Variants in ADCY9 observed in about 807,000 individuals in gnomAD.
ADCY9 encodes the protein adenylate cyclase type 9.
A neutral mutation model predicts 101.5 loss-of-function variants in ADCY9; 50 were observed. The observed-to-expected ratio is 0.49, with a 90% CI of 0.39 to 0.62. The LOEUF (loss-of-function observed/expected upper bound fraction) is 0.62. ADCY9 is among the 20% of genes least tolerant of loss of function. The probability of loss-of-function intolerance (pLI) is 0.00; values close to 1 mark genes in which losing one functional copy is unlikely to be tolerated. For synonymous variants in ADCY9, 905 were observed against 769.3 expected (o/e 1.18, Z -2.92); for missense variants, 1,662 against 1,800.4 (o/e 0.92, Z 1.39).
intron 2 of ADCY9, among the ~76,000 whole-genome samples, chr16:4,106,957 G>A (rs2057081259): frequency 6.6e-6 from 1 of 152,160 alleles, no homozygotes; most frequent in Non-Finnish European, 1.5e-5. Flanking sequence ...TGAAAAGACA[G>A]CCCTCCCTTC....
In ADCY9 at chr16:3,963,879, T is replaced by C. The variant is rs1479277284; in HGVS notation, c.*1896A>G. The C allele has an allele frequency of 6.5e-6, 1 of 152,700 alleles. No homozygotes were observed. The highest frequency in any genetic ancestry group is 6.5e-5 in the Admixed American group (1 of 15,290). 9.5% of individuals were successfully genotyped at this position (152,700 alleles called of 1,614,324 possible). ...TCTGCGGTGTTTTATAATACATTCT[T>C]TAGAAGCAAGAGGTATTGTCACAAC... On this transcript the variant is annotated 3_prime_UTR_variant, in exon 11 of 11. Transcript: ENST00000294016.
At chr16:4,065,720 C>T (rs1030194236) in intron 2 of ADCY9, among the ~76,000 whole-genome samples, 1 of 152,196 alleles carries the variant, frequency 6.6e-6, no homozygotes, top group Non-Finnish European at 1.5e-5. Context: ...AGGCATGAGC[C>T]ACCACACCTG....
intron 2 of ADCY9, among the ~76,000 whole-genome samples, chr16:4,107,407 C>A (rs548149171): frequency 1.3e-5 from 2 of 151,466 alleles, no homozygotes; most frequent in Non-Finnish European, 2.9e-5. Context: ...AAAAATTAGC[C>A]GGGCGTGGTG....
chr16:4,096,779 G>A (rs1451377513), intron 2 of ADCY9, among the ~76,000 whole-genome samples: 5 of 152,038 alleles, frequency 3.3e-5, no homozygotes, highest in African/African-American at 1.2e-4. Context: ...ACGCATGTGG[G>A]GTTTCTTCCT....
chr16:3,995,580 A>G (rs901382897), intron 3 of ADCY9, among the ~76,000 whole-genome samples: 7 of 151,756 alleles, frequency 4.6e-5, no homozygotes, highest in Non-Finnish European at 1.5e-5. Context: ...CCAATGAAGA[A>G]GACAAACCGT....
At chr16:4,066,028 G>A (rs971568867) in intron 2 of ADCY9, among the ~76,000 whole-genome samples, 4 of 152,202 alleles carry the variant, frequency 2.6e-5, no homozygotes, top group African/African-American at 9.6e-5. Context: ...TTAGCAAGCG[G>A]GATGTTGTTT....
intron 7 of ADCY9, among the ~76,000 whole-genome samples, chr16:3,979,503 T>C (rs183472740): frequency 7.0e-4 from 106 of 152,296 alleles, no homozygotes; most frequent in Admixed American, 2.1e-3. Context: ...ACATGTTGCG[T>C]TGTGATAAAA....
chr16:4,022,961 G>C (rs1039384655), intron 2 of ADCY9, among the ~76,000 whole-genome samples: 2 of 152,114 alleles, frequency 1.3e-5, no homozygotes, highest in Non-Finnish European at 2.9e-5. Flanking sequence ...ATTAATCTCA[G>C]TACTGTAGTA....
chr16:4,057,851 CA>C (rs2056750414), intron 2 of ADCY9, among the ~76,000 whole-genome samples: 1 of 152,106 alleles, frequency 6.6e-6, no homozygotes, highest in Non-Finnish European at 1.5e-5. Context: ...ATGAGAAAAC[CA>C]AGGCCCAGGG....
intron 2 of ADCY9, among the ~76,000 whole-genome samples, chr16:4,092,024 T>A (rs564173469): frequency 1.6e-4 from 24 of 152,196 alleles, no homozygotes; most frequent in Admixed American, 3.3e-4. Context: ...ATCCCAGCAC[T>A]CCGGGAGGCC....
At chr16:4,082,966 T>C (rs1335302828) in intron 2 of ADCY9, among the ~76,000 whole-genome samples, 2 of 152,198 alleles carry the variant, frequency 1.3e-5, no homozygotes, top group Admixed American at 6.5e-5. Context: ...TCTTCTTTAC[T>C]AGATATCACT....
chr16:3,995,366 C>T (rs2531976), intron 3 of ADCY9, among the ~76,000 whole-genome samples: 115,815 of 151,936 alleles, frequency 0.76, 44,406 homozygotes, highest in East Asian at 0.88. Context: ...AGGTCAAGGC[C>T]GCAGTGAGCT....
rs148963426 is a variant in ADCY9 at position 4,097,437 on chromosome 16, C to T, written c.1693+16313G>A. On this transcript the variant is annotated intron_variant, in intron 2 of 10. Coordinates refer to ENST00000294016, the MANE Select transcript of ADCY9 (RefSeq NM_001116.4). ...GTGTGGTTTCACACATAACAGGGTACTCACATGTGGAGTTACATATATATA... is the reference window on the plus strand; with the variant it reads ...GTGTGGTTTCACACATAACAGGGTATTCACATGTGGAGTTACATATATATA... Among the ~76,000 whole-genome samples, 318 of 128,660 alleles carry T rather than the reference C, an allele frequency of 2.5e-3. 2 individuals are homozygous for T. The highest frequency in any genetic ancestry group is 8.6e-3 in the African/African-American group (292 of 33,990). The allele number at this position is 128,660 out of a possible 152,430, so 84.4% of individuals were successfully genotyped here.
rs1011693604 is a variant in ADCY9, at chr16:3,963,393, G to C, written c.*2382C>G. On this transcript the variant is annotated 3_prime_UTR_variant, in exon 11 of 11. Transcript: ENST00000294016. ...ACGGCGTTTCCGCTGCAGAGATTCT[G>C]TGGTTCTGCACTGAGGTATGCATCG... The C allele has an allele frequency of 7.5e-6, 3 of 398,856 alleles. No individual in the cohort carries two copies. The highest frequency in any genetic ancestry group is 8.9e-6 in the Non-Finnish European group (2 of 225,950). The allele number at this position is 398,856 out of a possible 1,614,324, so 24.7% of individuals were successfully genotyped here. A position where few individuals can be genotyped will look rare whatever the true frequency, so the allele number is the denominator to read the frequency against.
At chr16:4,027,950 A>G (rs113737892) in intron 2 of ADCY9, among the ~76,000 whole-genome samples, 1,628 of 152,104 alleles carry the variant, frequency 0.011, 34 homozygotes, top group African/African-American at 0.037. Context: ...CAGCATGGGA[A>G]TGACCTGCCC....
chr16:4,080,949 G>GT (rs1167879961), intron 2 of ADCY9, among the ~76,000 whole-genome samples: 2 of 151,978 alleles, frequency 1.3e-5, no homozygotes, highest in Non-Finnish European at 2.9e-5. Flanking sequence ...GCTTTTTTCT[G>GT]TTTTCTGGTT....
chr16:4,088,240 C>T (rs2056952222), intron 2 of ADCY9, among the ~76,000 whole-genome samples: 1 of 152,044 alleles, frequency 6.6e-6, no homozygotes, highest in South Asian at 2.1e-4. Flanking sequence ...GCATGAATCA[C>T]AACTCCTAAA....
intron 3 of ADCY9, among the ~76,000 whole-genome samples, chr16:4,005,831 C>T (rs2056363434): frequency 1.3e-5 from 2 of 152,184 alleles, no homozygotes; most frequent in African/African-American, 4.8e-5. Flanking sequence ...TCTTTCACGA[C>T]TTAAATACAG....
At chr16:4,102,934 C>T (rs1373232782) in intron 2 of ADCY9, among the ~76,000 whole-genome samples, 1 of 152,148 alleles carries the variant, frequency 6.6e-6, no homozygotes, top group Non-Finnish European at 1.5e-5. Flanking sequence ...GTTGGCCAGG[C>T]TGGTCTCCAA....
Sources: gnomAD v4.1 joint callset for allele counts (sites outside exome capture counted in the v4.1 genomes callset) on GRCh38, gnomAD v4.1.1 for gene constraint, MANE v1.5 for transcripts, NCBI Gene and HGNC (gene_info 2026-07-23, HGNC 2026-07-21) for gene names.